CEACAM8: variants seen among roughly 807,000 people sequenced by gnomAD.
The protein encoded by CEACAM8 is cell adhesion molecule CEACAM8.
Under a neutral mutation model 33.4 loss-of-function variants are expected in CEACAM8, and 31 were observed. That is an observed-to-expected ratio of 0.93 (90% CI 0.70 to 1.25). The LOEUF is 1.25. Ranked by LOEUF, CEACAM8 falls within the 50% of genes most tolerant of loss-of-function variation. The probability of loss-of-function intolerance (pLI) is 0.00; values close to 1 mark genes in which losing one functional copy is unlikely to be tolerated. For missense variants in CEACAM8, 388 were observed against 434.6 expected, an observed-to-expected ratio of 0.89 and a Z score of 0.95; for synonymous variants, 138 against 164.5, an observed-to-expected ratio of 0.84 and a Z score of 1.23.
chr19:42,585,681 G>A (rs932702769), intron 4 of CEACAM8, among the ~76,000 whole-genome samples: 8 of 152,136 alleles, frequency 5.3e-5, no homozygotes, highest in African/African-American at 1.9e-4. Flanking sequence ...CCTATGATCA[G>A]GAACAAGACA....
Position 42,580,460 on chromosome 19 carries a change from A to G in CEACAM8, c.*934T>C, listed in dbSNP as rs2042246625. ...TTGGGGTTGACACGATAGATTAGAC[A>G]CTCCGTTAATCTATCATTCTCTGTA... On this transcript the variant is annotated 3_prime_UTR_variant, in exon 6 of 6. Coordinates refer to ENST00000244336, the MANE Select transcript of CEACAM8 (RefSeq NM_001816.4). The G allele has an allele frequency of 6.6e-6, 1 of 152,110 alleles. No individual in the cohort carries two copies. The highest frequency in any genetic ancestry group is 2.1e-4 in the South Asian group (1 of 4,822). 9.4% of individuals were successfully genotyped at this position (152,110 alleles called of 1,614,324 possible). A position where few individuals can be genotyped will look rare whatever the true frequency, so the allele number is the denominator to read the frequency against.
chr19:42,586,907 C>T (rs2042346170), intron 4 of CEACAM8, among the ~76,000 whole-genome samples: 1 of 152,010 alleles, frequency 6.6e-6, no homozygotes, highest in African/African-American at 2.4e-5. Flanking sequence ...AAAAACCCAA[C>T]TAAAAAAGGA....
rs993038216 is a variant in CEACAM8, at chr19:42,581,007, G to T, written c.*387C>A. ...AGGCAGGAGAATGGTGTGAACCCAG[G>T]AGGCGGAGCTTGCAGTGAGTTGAGA... On this transcript the variant is annotated 3_prime_UTR_variant, in exon 6 of 6. Coordinates refer to ENST00000244336, the MANE Select transcript of CEACAM8 (RefSeq NM_001816.4). The T allele has an allele frequency of 2.0e-5, 3 of 150,260 alleles. No homozygotes were observed. Among genetic ancestry groups the T allele is most frequent in the Non-Finnish European group, 4.4e-5 (3 of 67,872 alleles). The allele number at this position is 150,260 out of a possible 1,614,324, so 9.3% of individuals were successfully genotyped here. A position where few individuals can be genotyped will look rare whatever the true frequency, so the allele number is the denominator to read the frequency against.
intron 4 of CEACAM8, among the ~76,000 whole-genome samples, chr19:42,588,168 G>T (rs564197387): frequency 1.3e-5 from 2 of 152,130 alleles, no homozygotes; most frequent in Admixed American, 6.5e-5. Flanking sequence ...AGCCTGACTG[G>T]GGGGAGGCTT....
intron 2 of CEACAM8, 57 bp downstream of exon 2, chr19:42,593,484 T>C: frequency 6.5e-7 from 1 of 1,529,404 alleles, no homozygotes; most frequent in Non-Finnish European, 8.8e-7. Context: ...CTAACAATCC[T>C]GTGTGTGGGA....
At chr19:42,594,144 T>C (rs1417017664) in intron 1 of CEACAM8, among the ~76,000 whole-genome samples, 1 of 152,168 alleles carries the variant, frequency 6.6e-6, no homozygotes, top group Non-Finnish European at 1.5e-5. Context: ...CCTGCTCACA[T>C]CAGGGCATCC....
chr19:42,590,087 G>A (rs1328851182), intron 2 of CEACAM8, among the ~76,000 whole-genome samples: 1 of 152,202 alleles, frequency 6.6e-6, no homozygotes, highest in Non-Finnish European at 1.5e-5. Flanking sequence ...ACATGTAGGT[G>A]CTGGGTCCCT....
chr19:42,587,075 A>G (rs1003164784), intron 4 of CEACAM8, among the ~76,000 whole-genome samples: 1 of 152,208 alleles, frequency 6.6e-6, no homozygotes, highest in Non-Finnish European at 1.5e-5. Context: ...TTAAAAAAAA[A>G]CCACACACAC....
At chr19:42,589,872 C>T (rs2147867202) in intron 2 of CEACAM8, 137 bp from the exon 3 acceptor site, 2 of 1,513,244 alleles carry the variant, frequency 1.3e-6, no homozygotes, top group Non-Finnish European at 1.8e-6. Flanking sequence ...GTGTGTGTCA[C>T]AAGACAGATG....
chr19:42,593,923 A>G, intron 1 of CEACAM8, 23 bp from the exon 2 acceptor site: 1 of 1,550,854 alleles, frequency 6.4e-7, no homozygotes, highest in Non-Finnish European at 8.7e-7. Context: ...GAGAGCATCA[A>G]GCAATATTGC....
intron 4 of CEACAM8, among the ~76,000 whole-genome samples, chr19:42,584,297 C>T (rs1434431684): frequency 1.3e-5 from 2 of 152,164 alleles, no homozygotes; most frequent in Admixed American, 1.3e-4. Flanking sequence ...TCAACTCAGG[C>T]TGATGATTAA....
chr19:42,591,606 T>A (rs1220694576), intron 2 of CEACAM8, among the ~76,000 whole-genome samples: 1 of 152,060 alleles, frequency 6.6e-6, no homozygotes, highest in Non-Finnish European at 1.5e-5. Context: ...GAGACACAAG[T>A]AGAATTGGAT....
intron 3 of CEACAM8, among the ~76,000 whole-genome samples, chr19:42,589,253 A>G (rs369340811): frequency 8.5e-5 from 13 of 152,280 alleles, no homozygotes; most frequent in Admixed American, 5.9e-4. Context: ...GTCTCCCATG[A>G]CAGGAGCACC....
At position 42,594,844 on chromosome 19, in the gene CEACAM8, C is replaced by T. The variant is rs781371823; in HGVS notation, c.-16G>A. On this transcript the variant is annotated 5_prime_UTR_variant, in exon 1 of 6. Transcript: ENST00000244336. The stretch of plus-strand genomic sequence containing the variant: ...TGGGCCCCATGGTCTCTGCTGCCTG[C>T]GTGTTCTCCTCTGTGGAGATGAGCC... 22 of 1,605,704 alleles carry T rather than the reference C, an allele frequency of 1.4e-5. No individual in the cohort carries two copies. The highest frequency in any genetic ancestry group is 1.7e-4 in the Middle Eastern group (1 of 6,030).
chr19:42,589,942 C>T (rs1001149837), intron 2 of CEACAM8, among the ~76,000 whole-genome samples: 2 of 152,142 alleles, frequency 1.3e-5, no homozygotes, highest in Non-Finnish European at 2.9e-5. Context: ...GAAACACAGA[C>T]TTTCTCAAAT....
intron 5 of CEACAM8, among the ~76,000 whole-genome samples, chr19:42,582,465 C>T (rs1257436475): frequency 6.6e-6 from 1 of 152,166 alleles, no homozygotes; most frequent in Non-Finnish European, 1.5e-5. Flanking sequence ...GGAAAAGGTT[C>T]TCAACCACAC....
intron 4 of CEACAM8, among the ~76,000 whole-genome samples, chr19:42,585,198 T>C (rs1217729283): frequency 1.3e-5 from 2 of 151,430 alleles, no homozygotes; most frequent in Non-Finnish European, 2.9e-5. Flanking sequence ...CCTGGGAAGC[T>C]GAGTTGGGAG....
At chr19:42,588,166 TG>T (rs2042368326) in intron 4 of CEACAM8, among the ~76,000 whole-genome samples, 1 of 152,124 alleles carries the variant, frequency 6.6e-6, no homozygotes, top group South Asian at 2.1e-4. Context: ...GCAGCCTGAC[TG>T]GGGGGAGGCT....
chr19:42,580,602 A>G lies in CEACAM8; in HGVS notation c.*792T>C, dbSNP rs1393512893. On this transcript the variant is annotated 3_prime_UTR_variant, in exon 6 of 6. Coordinates refer to ENST00000244336, the MANE Select transcript of CEACAM8 (RefSeq NM_001816.4). ...AACTTGTGCAAATAACTGAATTACC[A>G]TAAACATATGAATACTCATGAATAG... 1 of 152,270 alleles carries G rather than the reference A, an allele frequency of 6.6e-6. No individual in the cohort carries two copies. The highest frequency in any genetic ancestry group is 2.4e-5 in the African/African-American group (1 of 41,466). 9.4% of individuals were successfully genotyped at this position (152,270 alleles called of 1,614,324 possible). A position where few individuals can be genotyped will look rare whatever the true frequency, so the allele number is the denominator to read the frequency against.
Sources: gnomAD v4.1 joint callset for allele counts (sites outside exome capture counted in the v4.1 genomes callset) on GRCh38, gnomAD v4.1.1 for gene constraint, MANE v1.5 for transcripts, NCBI Gene and HGNC (gene_info 2026-07-23, HGNC 2026-07-21) for gene names.